XPNPEP1: variants seen among roughly 807,000 people sequenced by gnomAD.
The protein encoded by XPNPEP1 is X-prolyl aminopeptidase 1.
In XPNPEP1, 39 loss-of-function variants were observed where a neutral mutation model predicts 92.4. That is an observed-to-expected ratio of 0.42 (90% confidence interval 0.33 to 0.55). XPNPEP1 has a LOEUF of 0.55. XPNPEP1 is among the 20% of genes least tolerant of loss of function. XPNPEP1 has a pLI of 0.08. For missense variants in XPNPEP1, 654 were observed against 856.1 expected, an observed-to-expected ratio of 0.76 and a Z score of 2.95; for synonymous variants, 307 against 299.4, an observed-to-expected ratio of 1.03 and a Z score of -0.26.
intron 3 of XPNPEP1, among the ~76,000 whole-genome samples, chr10:109,903,871 G>T (rs933205890): frequency 4.7e-5 from 7 of 149,808 alleles, no homozygotes; most frequent in African/African-American, 1.7e-4. Context: ...TTGAGACAGG[G>T]TCTTGCTCTG....
rs1847868106 is a variant in XPNPEP1, at chr10:109,877,849, C to G, written c.1260G>C (p.Val420=). ...TGGAAATTGTTGGGAAGCTCAGGTC[C>G]ACAAAGTCTGCCTGTTGCCTGTAAC... ...EEFRRQQADF[V]DLSFPTISST... is the part of the protein sequence containing the mutation. The change falls in exon 14 of 21, where the codon GTG becomes GTC. Residue 420 remains valine (V), a synonymous_variant. Coordinates refer to ENST00000502935, the MANE Select transcript of XPNPEP1 (RefSeq NM_020383.4). 1 of 1,614,222 alleles carries G rather than the reference C, an allele frequency of 6.2e-7. No individual in the cohort carries two copies. The highest frequency in any genetic ancestry group is 1.3e-5 in the African/African-American group (1 of 75,038).
At chr10:109,884,249 C>A in intron 8 of XPNPEP1, 101 bp from the exon 9 acceptor site, 18 of 1,133,796 alleles carry the variant, frequency 1.6e-5, no homozygotes, top group Non-Finnish European at 2.3e-5. Context: ...CCAGCTGCTG[C>A]GCAAGGATTC....
chr10:109,923,022 G>A (rs1564803386), intron 1 of XPNPEP1, among the ~76,000 whole-genome samples: 2 of 152,198 alleles, frequency 1.3e-5, no homozygotes, highest in African/African-American at 2.4e-5. Context: ...CAGAAGCGAG[G>A]GCAAAGGCTC....
chr10:109,911,152 G>A (rs1402292367), intron 2 of XPNPEP1, among the ~76,000 whole-genome samples: 1 of 152,220 alleles, frequency 6.6e-6, no homozygotes, highest in African/African-American at 2.4e-5. Flanking sequence ...AGGCCTTAGG[G>A]CTCACCCTCA....
intron 1 of XPNPEP1, among the ~76,000 whole-genome samples, chr10:109,915,422 C>G (rs913751311): frequency 1.3e-5 from 2 of 152,174 alleles, no homozygotes; most frequent in African/African-American, 4.8e-5. Flanking sequence ...TCTGCCCGTT[C>G]TTTCTTTATG....
chr10:109,914,292 T>G (rs1280792287), intron 2 of XPNPEP1, among the ~76,000 whole-genome samples: 1 of 152,100 alleles, frequency 6.6e-6, no homozygotes, highest in Admixed American at 6.5e-5. Flanking sequence ...TAAAGGACAA[T>G]AATATATTAC....
At chr10:109,891,578 ATTT>A (rs112429910) in intron 5 of XPNPEP1, 141 bp downstream of exon 5, 3 of 516,192 alleles carry the variant, frequency 5.8e-6, no homozygotes, top group Admixed American at 7.7e-5. Context: ...TAGGCATGCC[ATTT>A]TTTTTTTTCT....
At chr10:109,876,730 G>A (rs1330992539) in intron 14 of XPNPEP1, 1 of 152,378 alleles carries the variant, frequency 6.6e-6, no homozygotes, top group East Asian at 1.9e-4. Flanking sequence ...CCCAAGCACA[G>A]TGTTCTTTTG....
chr10:109,868,796 C>T (rs573998483), intron 19 of XPNPEP1, 84 bp from the exon 20 acceptor site: 1 of 1,298,902 alleles, frequency 7.7e-7, no homozygotes, highest in Non-Finnish European at 1.1e-6. Flanking sequence ...AGCATGCCAT[C>T]CCTCAGAGCC....
intron 6 of XPNPEP1, 95 bp downstream of exon 6, chr10:109,888,408 C>T: frequency 7.5e-7 from 1 of 1,327,728 alleles, no homozygotes; most frequent in Non-Finnish European, 1.0e-6. Flanking sequence ...TGCTGAGCCC[C>T]CCAGTGCTCC....
rs575248486 is a variant in XPNPEP1 at position 109,872,143 on chromosome 10, G to A, written c.1453-282C>T. ...TACTCCATCATGTGAGCCTTAGAAA[G>A]AATGGAAAAGTAATAAAAAGTACTG... On this transcript the variant is annotated intron_variant, in intron 16 of 20. Coordinates refer to ENST00000502935, the MANE Select transcript of XPNPEP1 (RefSeq NM_020383.4). Among the ~76,000 whole-genome samples the A allele has an allele frequency of 2.0e-5, 3 of 152,324 alleles. No individual in the cohort carries two copies. The East Asian group carries it at 5.8e-4, about 29-fold the overall frequency.
chr10:109,866,362 G>A (rs1313100782), intron 20 of XPNPEP1, among the ~76,000 whole-genome samples: 1 of 152,196 alleles, frequency 6.6e-6, no homozygotes, highest in African/African-American at 2.4e-5. Flanking sequence ...ACTGAGAAGA[G>A]CCTAGTAGCC....
intron 8 of XPNPEP1, among the ~76,000 whole-genome samples, chr10:109,884,978 TA>T (rs1848314258): frequency 1.3e-5 from 2 of 152,196 alleles, no homozygotes; most frequent in South Asian, 4.1e-4. Flanking sequence ...AGCACTTCTT[TA>T]AAAATGACAG....
At chr10:109,893,753 G>A (rs940097245) in intron 3 of XPNPEP1, among the ~76,000 whole-genome samples, 4 of 152,230 alleles carry the variant, frequency 2.6e-5, no homozygotes, top group African/African-American at 4.8e-5. Flanking sequence ...AAGGGTACAA[G>A]TCAAAGTGTG....
rs1847208112 is a variant in XPNPEP1, at chr10:109,867,539, G to GA, written c.1872+1074dup. Among the ~76,000 whole-genome samples the GA allele has an allele frequency of 6.6e-6, 1 of 152,228 alleles. No homozygotes were observed. Among genetic ancestry groups the GA allele is most frequent in the South Asian group, 2.1e-4 (1 of 4,834 alleles). The stretch of plus-strand genomic sequence containing the variant: ...TTTCTCATCACCCACCTGTGAACTG[G>GA]AACAGGCAGAAGAGGCTTCTAGCTG... On this transcript the variant is annotated intron_variant, in intron 20 of 20. Coordinates refer to ENST00000502935, the MANE Select transcript of XPNPEP1 (RefSeq NM_020383.4). The surrounding 1 kb of genome is among the most constrained non-coding windows in gnomAD (Gnocchi z 4.5).
At chr10:109,869,616 T>C (rs1589539537) in intron 19 of XPNPEP1, among the ~76,000 whole-genome samples, 1 of 152,332 alleles carries the variant, frequency 6.6e-6, no homozygotes, top group East Asian at 1.9e-4. Flanking sequence ...AGGCCGCCTA[T>C]AGTAAACTCA....
chr10:109,870,085 G>A (rs192592393), intron 18 of XPNPEP1, 56 bp from the exon 19 acceptor site: 2 of 1,585,406 alleles, frequency 1.3e-6, no homozygotes, highest in Non-Finnish European at 1.7e-6. Flanking sequence ...GATGTCTACA[G>A]AGAGAAACTT....
chr10:109,911,285 T>C (rs920666531), intron 2 of XPNPEP1, among the ~76,000 whole-genome samples: 3 of 151,828 alleles, frequency 2.0e-5, no homozygotes, highest in Non-Finnish European at 4.4e-5. Flanking sequence ...AGGGGCATTC[T>C]TTTTTTTTCT....
In XPNPEP1 at chr10:109,901,010, A is replaced by G. The variant is rs1345182659; in HGVS notation, c.246+6681T>C. Among the ~76,000 whole-genome samples, 6 of 152,136 alleles carry G rather than the reference A, an allele frequency of 3.9e-5. No individual in the cohort carries two copies. In the East Asian group the frequency reaches 1.2e-3, roughly 29 times the overall value. On this transcript the variant is annotated intron_variant, in intron 3 of 20. Coordinates refer to ENST00000502935, the MANE Select transcript of XPNPEP1 (RefSeq NM_020383.4). ...TATGTTTATTGCGGCACTATTCACA[A>G]TAGCAAAGACTTGGAACCAACCCAA...
Sources: gnomAD v4.1 joint callset for allele counts (sites outside exome capture counted in the v4.1 genomes callset) on GRCh38, gnomAD v4.1.1 for gene constraint, Gnocchi (gnomAD v3.1) non-coding constraint, MANE v1.5 for transcripts, NCBI Gene and HGNC (gene_info 2026-07-23, HGNC 2026-07-21) for gene names.